PPP2R5C: variants seen among roughly 807,000 people sequenced by gnomAD.
PPP2R5C encodes the protein serine/threonine-protein phosphatase 2A 56 kDa regulatory subunit gamma isoform.
In PPP2R5C, 7 loss-of-function variants were observed where a neutral mutation model predicts 68.9. The ratio of observed to expected loss-of-function variants is 0.10; its 90% CI spans 0.06 to 0.19. The LOEUF (loss-of-function observed/expected upper bound fraction) is 0.19. PPP2R5C is among the 10% of genes least tolerant of loss of function. PPP2R5C has a pLI of 1.00. For synonymous variants in PPP2R5C, 210 were observed against 222.2 expected, an observed-to-expected ratio of 0.95 and a Z score of 0.49; for missense variants, 348 against 641.3, an observed-to-expected ratio of 0.54 and a Z score of 4.94.
chr14:101,873,469 G>C (rs140979231), intron 2 of PPP2R5C, among the ~76,000 whole-genome samples: 1 of 152,140 alleles, frequency 6.6e-6, no homozygotes, highest in African/African-American at 2.4e-5. Flanking sequence ...TAAAACCAGA[G>C]CTAATTATTC....
rs549606239 is a variant in PPP2R5C, at chr14:101,907,729, T to G, written c.1151+1200T>G. On this transcript the variant is annotated intron_variant, in intron 10 of 13. Transcript: ENST00000334743. ...CTCTGGCCCGGTGCGGTCTCCTAACTCGCAGTGTCTATTGGGCACCCCTCT... is the reference window on the plus strand; with the variant it reads ...CTCTGGCCCGGTGCGGTCTCCTAACGCGCAGTGTCTATTGGGCACCCCTCT... Among the ~76,000 whole-genome samples the G allele has an allele frequency of 2.0e-5, 3 of 152,302 alleles. No individual in the cohort carries two copies. In the East Asian group the frequency reaches 5.8e-4, roughly 29 times the overall value.
intron 2 of PPP2R5C, among the ~76,000 whole-genome samples, chr14:101,868,993 A>G (rs780327709): frequency 1.3e-5 from 2 of 151,916 alleles, no homozygotes; most frequent in Non-Finnish European, 2.9e-5. Flanking sequence ...GCTCACTGCA[A>G]CCTCCGCCTC....
intron 2 of PPP2R5C, among the ~76,000 whole-genome samples, chr14:101,873,262 A>G (rs928574307): frequency 6.6e-6 from 1 of 152,186 alleles, no homozygotes; most frequent in East Asian, 1.9e-4. Flanking sequence ...TCTTCTCATT[A>G]TAAATCCTTC....
intron 1 of PPP2R5C, among the ~76,000 whole-genome samples, chr14:101,838,769 C>A (rs1356437639): frequency 6.7e-6 from 1 of 149,322 alleles, no homozygotes; most frequent in Admixed American, 6.6e-5. Flanking sequence ...TTTGGCTGGG[C>A]ATGGTGGCTC....
At chr14:101,840,772 A>C (rs2041419547) in intron 1 of PPP2R5C, among the ~76,000 whole-genome samples, 1 of 152,222 alleles carries the variant, frequency 6.6e-6, no homozygotes, top group Non-Finnish European at 1.5e-5. Flanking sequence ...GCTGTTTATC[A>C]GGGCATATGC....
upstream of PPP2R5C, among the ~76,000 whole-genome samples, chr14:101,808,820 A>G (rs2039186201): frequency 6.6e-6 from 1 of 152,222 alleles, no homozygotes; most frequent in Admixed American, 6.5e-5. Flanking sequence ...CCTGCCGAAG[A>G]GGCTTTTCTT....
chr14:101,880,996 T>A (rs1267006705), intron 2 of PPP2R5C, among the ~76,000 whole-genome samples: 1 of 152,074 alleles, frequency 6.6e-6, no homozygotes, highest in African/African-American at 2.4e-5. Context: ...GGGACTGGGG[T>A]TGTGATCACC....
intron 1 of PPP2R5C, among the ~76,000 whole-genome samples, chr14:101,821,483 G>T (rs931897263): frequency 6.6e-6 from 1 of 151,242 alleles, no homozygotes; most frequent in Non-Finnish European, 1.5e-5. Flanking sequence ...GTGTGTGTGT[G>T]TATTTATCCA....
chr14:101,927,210 C>T (rs1489847483), exon 14 of PPP2R5C: 1 of 152,098 alleles, frequency 6.6e-6, no homozygotes, highest in African/African-American at 2.4e-5. Context: ...CGGGAAAAAG[C>T]AAAATATCAA....
chr14:101,845,176 C>T (rs1048274612), intron 1 of PPP2R5C, among the ~76,000 whole-genome samples: 4 of 151,972 alleles, frequency 2.6e-5, no homozygotes, highest in Admixed American at 2.6e-4. Context: ...ATTCAGCTAA[C>T]ACCGTTGAAT....
rs1006682878 is a variant in PPP2R5C, at chr14:101,781,960, C to A, written c.94-4058C>A. Among the ~76,000 whole-genome samples, 5 of 151,712 alleles carry A rather than the reference C, an allele frequency of 3.3e-5. No individual in the cohort carries two copies. Among genetic ancestry groups the A allele is most frequent in the Non-Finnish European group, 7.4e-5 (5 of 67,854 alleles). ...CCCACCCGCTCTGGGCAGCTGCTCCCAAGGGAGCCCCTCGCCCTCTCTCTC... is the reference window on the plus strand; with the variant it reads ...CCCACCCGCTCTGGGCAGCTGCTCCAAAGGGAGCCCCTCGCCCTCTCTCTC... On this transcript the variant is annotated intron_variant, in intron 2 of 14. Coordinates refer to the PPP2R5C transcript ENST00000328724. The surrounding 1 kb of genome is among the most constrained non-coding windows in gnomAD (Gnocchi z 6.4).
Position 101,802,951 on chromosome 14 carries a change from TAAAAAAA to T in PPP2R5C, c.259+16785_259+16791del, listed in dbSNP as rs571594853. On this transcript the variant is annotated intron_variant, in intron 3 of 14. Coordinates refer to the PPP2R5C transcript ENST00000328724. ...CACACCCACTAGGATGGCTACTATT[TAAAAAAA>T]AAAAAAAAAAAAAAAAGGAGCAAAG... is the stretch of plus-strand genomic sequence containing the variant. Among the ~76,000 whole-genome samples the T allele has an allele frequency of 1.1e-3, 112 of 99,916 alleles. 3 individuals are homozygous for T. The East Asian group carries it at 0.025, about 22-fold the overall frequency. The allele number at this position is 99,916 out of a possible 152,430, so 65.5% of individuals were successfully genotyped here.
At chr14:101,823,589 C>T (rs1595272891) in intron 1 of PPP2R5C, 1 of 225,390 alleles carries the variant, frequency 4.4e-6, no homozygotes, top group Non-Finnish European at 7.5e-6. Flanking sequence ...CATTAACCGT[C>T]GCCCTCTTTC....
intron 2 of PPP2R5C, among the ~76,000 whole-genome samples, chr14:101,785,740 T>C (rs1309397292): frequency 6.6e-6 from 1 of 152,236 alleles, no homozygotes; most frequent in Non-Finnish European, 1.5e-5. Flanking sequence ...TTAGGCGTCA[T>C]TATTTAGTCT....
In PPP2R5C at chr14:101,843,411, T is replaced by C. The variant is rs143436750; in HGVS notation, c.95-13275T>C. On this transcript the variant is annotated intron_variant, in intron 1 of 13. Coordinates refer to ENST00000334743, the Ensembl canonical transcript of PPP2R5C. ...ATTTTCTTAAAGAGACTTCCTGCCC[T>C]GCCAGAGATCTTGAATAGCCCCCTA... The C allele has an allele frequency of 5.2e-3, 1,176 of 228,052 alleles. 8 individuals carry two copies. Among genetic ancestry groups the C allele is most frequent in the South Asian group, 0.017 (256 of 14,716 alleles). 14.1% of individuals were successfully genotyped at this position (228,052 alleles called of 1,614,324 possible). A position where few individuals can be genotyped will look rare whatever the true frequency, so the allele number is the denominator to read the frequency against.
chr14:101,860,604 CA>C (rs1566915045), intron 2 of PPP2R5C, among the ~76,000 whole-genome samples: 1 of 152,152 alleles, frequency 6.6e-6, no homozygotes, highest in Non-Finnish European at 1.5e-5. Context: ...GAAGAACTAC[CA>C]GACCGTTTTC....
rs564335429 is a variant in PPP2R5C, at chr14:101,870,124, A to T, written c.295-12037A>T. 7.4e-5 allele frequency among the ~76,000 whole-genome samples: 10 copies of T among 135,402 alleles called. No individual in the cohort carries two copies. In the South Asian group the frequency reaches 2.2e-3, roughly 30 times the overall value. 88.8% of individuals were successfully genotyped at this position (135,402 alleles called of 152,430 possible). On this transcript the variant is annotated intron_variant, in intron 2 of 13. Transcript: ENST00000334743. ...TGGGTACAGATTTTTTGCGAGATAC[A>T]TGATTTGCAAATATTTTCTCTCAGT...
At position 101,770,548 on chromosome 14, in the gene PPP2R5C, C is replaced by T. The variant is rs1397653609; in HGVS notation, c.93+7578C>T. On this transcript the variant is annotated intron_variant, in intron 2 of 14. Coordinates refer to the PPP2R5C transcript ENST00000328724. ...ATGCTTTAAAGCGTCTAGGGAGACA[C>T]GGGCTTACCATAAAATTATGGAGTT... 6.6e-5 allele frequency among the ~76,000 whole-genome samples: 10 copies of T among 152,282 alleles called. No individual in the cohort carries two copies. In the East Asian group the frequency reaches 1.9e-3, roughly 29 times the overall value.
chr14:101,910,779 A>G (rs1204452919), intron 11 of PPP2R5C, among the ~76,000 whole-genome samples: 2 of 151,000 alleles, frequency 1.3e-5, no homozygotes, highest in African/African-American at 2.4e-5. Flanking sequence ...CATCCTGGCT[A>G]ACACAATGAA....
Sources: gnomAD v4.1 joint callset for allele counts (sites outside exome capture counted in the v4.1 genomes callset) on GRCh38, gnomAD v4.1.1 for gene constraint, Gnocchi (gnomAD v3.1) non-coding constraint, MANE v1.5 for transcripts, NCBI Gene and HGNC (gene_info 2026-07-23, HGNC 2026-07-21) for gene names.